IL1RAPL1: variants seen among roughly 807,000 people sequenced by gnomAD.
IL1RAPL1 encodes interleukin 1 receptor accessory protein like 1, also known as interleukin-1 receptor accessory protein-like 1.
Under a neutral mutation model 48.4 loss-of-function variants are expected in IL1RAPL1, and 3 were observed. The ratio of observed to expected loss-of-function variants is 0.06; its 90% CI spans 0.03 to 0.16. The LOEUF is 0.16. Ranked by LOEUF, IL1RAPL1 falls within the 10% of genes least tolerant of loss-of-function variation. The probability of loss-of-function intolerance (pLI) is 1.00; values close to 1 mark genes in which losing one functional copy is unlikely to be tolerated. For synonymous variants in IL1RAPL1, 185 were observed against 187.7 expected (o/e 0.99, Z 0.12); for missense variants, 349 against 530.6 (o/e 0.66, Z 3.36).
intron 3 of IL1RAPL1, among the ~76,000 whole-genome samples, chrX:29,339,865 G>A (rs1165918341): frequency 8.9e-6 from 1 of 111,925 alleles, no homozygotes; most frequent in African/African-American, 3.2e-5. Context: ...GACCCTGACA[G>A]TTTTGAAGAG....
chrX:28,596,885 A>G (rs1933961588), intron 1 of IL1RAPL1, among the ~76,000 whole-genome samples: 1 of 111,545 alleles, frequency 9.0e-6, no homozygotes, highest in South Asian at 3.8e-4. Flanking sequence ...TCTACCATAC[A>G]TACTTCTAAG....
intron 2 of IL1RAPL1, among the ~76,000 whole-genome samples, chrX:29,080,486 A>AC (rs1231774733): frequency 1.5e-4 from 17 of 111,370 alleles, no homozygotes; most frequent in Non-Finnish European, 2.8e-4. Flanking sequence ...TTAGATTCAG[A>AC]CCAAAGAAGG....
At chrX:29,819,278 A>G (rs903954831) in intron 6 of IL1RAPL1, among the ~76,000 whole-genome samples, 2 of 111,636 alleles carry the variant, frequency 1.8e-5, no homozygotes, top group Admixed American at 9.6e-5. Context: ...TTATTTGATG[A>G]AAAAAAAGCA....
intron 5 of IL1RAPL1, among the ~76,000 whole-genome samples, chrX:29,428,094 G>T (rs1050579071): frequency 8.9e-6 from 1 of 112,079 alleles, no homozygotes; most frequent in African/African-American, 3.2e-5. Flanking sequence ...GGCAGTTTCA[G>T]TCACAAGTAT....
intron 6 of IL1RAPL1, among the ~76,000 whole-genome samples, chrX:29,802,911 A>G (rs1296489627): frequency 9.4e-5 from 5 of 53,274 alleles, no homozygotes; most frequent in East Asian, 1.4e-3. Context: ...ATGTGTATAT[A>G]TGTGTACATA....
intron 6 of IL1RAPL1, among the ~76,000 whole-genome samples, chrX:29,752,062 GTA>G (rs1928483649): frequency 1.2e-5 from 1 of 81,732 alleles, no homozygotes; most frequent in Non-Finnish European, 2.3e-5. Context: ...ATATATATAT[GTA>G]TATATATGTG....
At chrX:29,495,483 A>T (rs1935203344) in intron 5 of IL1RAPL1, among the ~76,000 whole-genome samples, 1 of 111,287 alleles carries the variant, frequency 9.0e-6, no homozygotes, top group Admixed American at 9.6e-5. Flanking sequence ...AGCTAATGGG[A>T]CTTTACATTT....
At chrX:29,058,274 G>A (rs1927268126) in intron 2 of IL1RAPL1, among the ~76,000 whole-genome samples, 1 of 110,525 alleles carries the variant, frequency 9.0e-6, no homozygotes, top group South Asian at 3.9e-4. Flanking sequence ...CTACTCGGGA[G>A]GCTATGGCAG....
At chrX:29,906,198 C>T (rs769522963) in intron 6 of IL1RAPL1, among the ~76,000 whole-genome samples, 2 of 105,559 alleles carry the variant, frequency 1.9e-5, no homozygotes, top group African/African-American at 6.9e-5. Context: ...AGCCGGGCGT[C>T]GTGGCGGGCT....
In IL1RAPL1 at chrX:29,195,645, C is replaced by T. The variant is rs764247202; in HGVS notation, c.83-87293C>T. On this transcript the variant is annotated intron_variant, in intron 2 of 10. Coordinates refer to ENST00000378993, the MANE Select transcript of IL1RAPL1 (RefSeq NM_014271.4). Reference sequence around the variant, plus strand: ...CGCCATCTGGGCTCACTGCAACCTCCGCCTCCCGGGTTCAAGCGATTCTCC... The same window carrying T: ...CGCCATCTGGGCTCACTGCAACCTCTGCCTCCCGGGTTCAAGCGATTCTCC... 7.5e-5 allele frequency among the ~76,000 whole-genome samples: 8 copies of T among 106,068 alleles called. No homozygotes were observed. In the East Asian group the frequency reaches 2.1e-3, roughly 28 times the overall value. 92.1% of individuals were successfully genotyped at this position (106,068 alleles called of 115,157 possible).
At chrX:28,748,224 T>G (rs1936000909) in intron 1 of IL1RAPL1, among the ~76,000 whole-genome samples, 1 of 112,272 alleles carries the variant, frequency 8.9e-6, no homozygotes, top group African/African-American at 3.2e-5. Flanking sequence ...ATAGTTTTAT[T>G]TTGCTGTCCG....
intron 6 of IL1RAPL1, among the ~76,000 whole-genome samples, chrX:29,733,879 A>G (rs989595615): frequency 1.6e-4 from 18 of 112,858 alleles, no homozygotes; most frequent in Admixed American, 1.5e-3. Context: ...TTTGAGTTCA[A>G]TGGCAAATCA....
intron 3 of IL1RAPL1, among the ~76,000 whole-genome samples, chrX:29,295,737 C>T (rs1932440129): frequency 9.0e-6 from 1 of 111,402 alleles, no homozygotes; most frequent in African/African-American, 3.3e-5. Flanking sequence ...CCTTATTTTC[C>T]CAAGATGAAA....
chrX:28,842,811 T>C, intron 2 of IL1RAPL1, among the ~76,000 whole-genome samples: 1 of 111,562 alleles, frequency 9.0e-6, no homozygotes, highest in Admixed American at 9.6e-5. Context: ...TATAAAATAT[T>C]GTTCCATTAA....
intron 2 of IL1RAPL1, among the ~76,000 whole-genome samples, chrX:29,252,389 T>G (rs1045274233): frequency 1.8e-5 from 2 of 114,121 alleles, no homozygotes; most frequent in African/African-American, 6.4e-5. Context: ...TCTATCAGTT[T>G]CCTAGTGGCC....
chrX:29,166,647 G>T (rs1393963187), intron 2 of IL1RAPL1, among the ~76,000 whole-genome samples: 1 of 111,708 alleles, frequency 9.0e-6, no homozygotes, highest in Non-Finnish European at 1.9e-5. Context: ...AAAACCATTT[G>T]GTAACTTCCT....
chrX:29,609,617 C>T (rs1194232063), intron 5 of IL1RAPL1, among the ~76,000 whole-genome samples: 3 of 112,240 alleles, frequency 2.7e-5, no homozygotes, highest in African/African-American at 9.7e-5. Flanking sequence ...TTAGTGTAAA[C>T]CAGTTTACTG....
intron 3 of IL1RAPL1, among the ~76,000 whole-genome samples, chrX:29,329,813 T>TA (rs201969024): frequency 0.062 from 5,155 of 83,265 alleles, 358 homozygotes; most frequent in African/African-American, 0.19. Context: ...AACTCCGTCT[T>TA]AAAAAAAAAA....
At chrX:28,872,466 T>A (rs1601939502) in intron 2 of IL1RAPL1, among the ~76,000 whole-genome samples, 1 of 112,593 alleles carries the variant, frequency 8.9e-6, no homozygotes, top group African/African-American at 3.2e-5. Flanking sequence ...TGGCACATAA[T>A]ACATATTTTT....
Sources: gnomAD v4.1 joint callset for allele counts (sites outside exome capture counted in the v4.1 genomes callset) on GRCh38, gnomAD v4.1.1 for gene constraint, MANE v1.5 for transcripts, NCBI Gene and HGNC (gene_info 2026-07-23, HGNC 2026-07-21) for gene names.